Variants in CREB3L2 observed in about 807,000 individuals in gnomAD.
CREB3L2 encodes cyclic AMP-responsive element-binding protein 3-like protein 2.
CREB3L2 carries 23 observed loss-of-function variants against 57.2 expected under a neutral mutation model. The ratio of observed to expected loss-of-function variants is 0.40; its 90% confidence interval spans 0.29 to 0.57. CREB3L2 has a LOEUF of 0.57. Among genes scored for constraint, CREB3L2 ranks in the 20% least tolerant of loss-of-function variants. CREB3L2 has a pLI of 0.42. For missense variants in CREB3L2, 628 were observed against 634.7 expected (o/e 0.99, Z 0.11); for synonymous variants, 268 against 265.1 (o/e 1.01, Z -0.11).
At chr7:137,925,946 C>T (rs908211709) in intron 2 of CREB3L2, among the ~76,000 whole-genome samples, 13 of 152,336 alleles carry the variant, frequency 8.5e-5, no homozygotes, top group South Asian at 2.1e-4. Context: ...ATTACCAGCA[C>T]GGCCTGTCAC....
chr7:137,994,600 A>G (rs531121273), intron 1 of CREB3L2, among the ~76,000 whole-genome samples: 1 of 152,118 alleles, frequency 6.6e-6, no homozygotes, highest in Non-Finnish European at 1.5e-5. Flanking sequence ...CTATTTCTAC[A>G]TCTATAGTCT....
At chr7:137,948,055 C>T (rs1460821168) in intron 1 of CREB3L2, among the ~76,000 whole-genome samples, 2 of 152,216 alleles carry the variant, frequency 1.3e-5, no homozygotes, top group Non-Finnish European at 2.9e-5. Flanking sequence ...ACTTCCATAC[C>T]TGACCTCAAC....
intron 3 of CREB3L2, among the ~76,000 whole-genome samples, chr7:137,915,467 A>T (rs1800107155): frequency 6.6e-6 from 1 of 152,206 alleles, no homozygotes; most frequent in Non-Finnish European, 1.5e-5. Flanking sequence ...CCCAGTAGCC[A>T]TGCACTGTAA....
chr7:137,942,896 A>C (rs182579880), intron 1 of CREB3L2, among the ~76,000 whole-genome samples: 1 of 152,340 alleles, frequency 6.6e-6, no homozygotes, highest in African/African-American at 2.4e-5. Flanking sequence ...TATAAAGCCA[A>C]TGGCATCAGA....
At chr7:137,902,465 G>C (rs1160150852) in intron 7 of CREB3L2, among the ~76,000 whole-genome samples, 1 of 152,118 alleles carries the variant, frequency 6.6e-6, no homozygotes, top group East Asian at 1.9e-4. Flanking sequence ...CCTGGTGCTG[G>C]GGCACGCATG....
Position 138,001,606 on chromosome 7 carries a change from T to C in CREB3L2, c.100A>G (p.Thr34Ala). 6.2e-7 allele frequency: 1 copy of C among 1,611,348 alleles called. No individual in the cohort carries two copies. Among genetic ancestry groups the C allele is most frequent in the South Asian group, 1.1e-5 (1 of 90,880 alleles). Reference sequence around the variant, plus strand: ...TGCCCCGCCCGCCGGGTCCTCACCGTGTGGTACATGAGGGCCTCGCCGTCC... The same window carrying C: ...TGCCCCGCCCGCCGGGTCCTCACCGCGTGGTACATGAGGGCCTCGCCGTCC... ...PGDGEALMYH[T>A]HFSELLDEFS... The change falls in exon 1 of 12, where the codon ACG (threonine) becomes GCG (alanine). Residue 34 changes from threonine (T) to alanine (A), a missense_variant and splice_region_variant. Thr to Ala is a moderately conservative substitution (Grantham distance 58). Transcript: ENST00000330387. This position sits in a 1 kb window ranked among gnomAD's most constrained non-coding sequence, Gnocchi z 4.2.
chr7:138,000,030 T>C (rs1196455735), intron 1 of CREB3L2, among the ~76,000 whole-genome samples: 1 of 152,180 alleles, frequency 6.6e-6, no homozygotes. Context: ...TCTCGCACCT[T>C]TCCCTGTGAA....
chr7:137,898,703 C>T (rs1048275100), intron 8 of CREB3L2, among the ~76,000 whole-genome samples: 1 of 151,776 alleles, frequency 6.6e-6, no homozygotes, highest in Admixed American at 6.6e-5. Flanking sequence ...CTGTAGTGGA[C>T]GAAGGACTGT....
intron 1 of CREB3L2, among the ~76,000 whole-genome samples, chr7:137,971,266 C>T (rs371220004): frequency 2.0e-5 from 3 of 152,010 alleles, no homozygotes; most frequent in East Asian, 3.9e-4. Context: ...CTGGCTAACA[C>T]GGTGAAACCC....
intron 1 of CREB3L2, among the ~76,000 whole-genome samples, chr7:137,973,583 G>A (rs550820956): frequency 6.6e-6 from 1 of 152,284 alleles, no homozygotes; most frequent in Non-Finnish European, 1.5e-5. Flanking sequence ...GGGCCCATCC[G>A]ACACAAGATC....
chr7:137,939,132 C>A (rs183654320), intron 1 of CREB3L2, among the ~76,000 whole-genome samples: 1 of 152,186 alleles, frequency 6.6e-6, no homozygotes, highest in Admixed American at 6.6e-5. Flanking sequence ...GAGTATCCAA[C>A]AAGTACCAAC....
At chr7:137,946,325 G>A (rs972256916) in intron 1 of CREB3L2, among the ~76,000 whole-genome samples, 3 of 150,648 alleles carry the variant, frequency 2.0e-5, no homozygotes, top group African/African-American at 7.3e-5. Context: ...GAGCGGGTCT[G>A]ATCTAATAAG....
At chr7:137,882,762 A>G (rs1799325090) in intron 10 of CREB3L2, 134 bp from the exon 11 acceptor site, 1 of 573,640 alleles carries the variant, frequency 1.7e-6, no homozygotes, top group South Asian at 3.7e-5. Flanking sequence ...ATGGGTGCCA[A>G]CAGAATTTGG....
intron 1 of CREB3L2, among the ~76,000 whole-genome samples, chr7:137,999,239 C>T (rs1802037319): frequency 6.6e-6 from 1 of 152,168 alleles, no homozygotes; most frequent in African/African-American, 2.4e-5. Context: ...GCTCTGATCA[C>T]TCAGTTCAAT....
intron 1 of CREB3L2, among the ~76,000 whole-genome samples, chr7:137,935,571 C>A (rs1054369740): frequency 1.3e-5 from 2 of 152,154 alleles, no homozygotes; most frequent in African/African-American, 4.8e-5. Flanking sequence ...TATCACTAGG[C>A]CTTCCAAACT....
intron 7 of CREB3L2, among the ~76,000 whole-genome samples, chr7:137,901,695 A>G (rs1022522105): frequency 6.6e-6 from 1 of 151,874 alleles, no homozygotes; most frequent in African/African-American, 2.4e-5. Flanking sequence ...CCTGGCCGAC[A>G]TGGTGAAACC....
intron 4 of CREB3L2, among the ~76,000 whole-genome samples, chr7:137,911,112 A>G (rs142519145): frequency 1.3e-5 from 2 of 152,368 alleles, no homozygotes; most frequent in Non-Finnish European, 2.9e-5. Flanking sequence ...ATTTGATAGT[A>G]ATAACTGGTG....
intron 5 of CREB3L2, among the ~76,000 whole-genome samples, chr7:137,906,319 G>C (rs951113763): frequency 3.3e-5 from 5 of 152,174 alleles, no homozygotes; most frequent in African/African-American, 9.7e-5. Flanking sequence ...AGCTAAGAGT[G>C]CAGAGCACCC....
chr7:137,885,084 A>C lies in CREB3L2; in HGVS notation c.1181T>G (p.Phe394Cys). 6.2e-7 allele frequency: 1 copy of C among 1,614,222 alleles called. No individual in the cohort carries two copies. Among genetic ancestry groups the C allele is most frequent in the Non-Finnish European group, 8.5e-7 (1 of 1,180,044 alleles). The stretch of plus-strand genomic sequence containing the variant: ...AGGATAGGGCCCGTAGCCTTGAAAG[A>C]AGCTGCCGAATGCAACGGCAAAGCA... ...VLCFAVAFGSFFQGYGPYPSA... is the reference protein window; with the variant it reads ...VLCFAVAFGSCFQGYGPYPSA... The change falls in exon 10 of 12, where the codon TTC becomes TGC. Residue 394 changes from phenylalanine (F) to cysteine (C), a missense_variant. Coordinates refer to ENST00000330387, the MANE Select transcript of CREB3L2 (RefSeq NM_194071.4).
Sources: gnomAD v4.1 joint callset for allele counts (sites outside exome capture counted in the v4.1 genomes callset) on GRCh38, gnomAD v4.1.1 for gene constraint, Gnocchi (gnomAD v3.1) non-coding constraint, MANE v1.5 for transcripts, NCBI Gene and HGNC (gene_info 2026-07-23, HGNC 2026-07-21) for gene names.